Variants in CNTRL observed in about 807,000 individuals in gnomAD.
CNTRL encodes the protein 110 kDa centrosomal protein.
Under a neutral mutation model 303.7 loss-of-function variants are expected in CNTRL, and 233 were observed. That is an observed-to-expected ratio of 0.77 (90% confidence interval 0.69 to 0.86). CNTRL has a LOEUF of 0.86. CNTRL is among the 40% of genes least tolerant of loss of function. The probability of loss-of-function intolerance (pLI) is 0.00; values close to 1 mark genes in which losing one functional copy is unlikely to be tolerated. For missense variants in CNTRL, 2,524 were observed against 2,650.6 expected (o/e 0.95, Z 1.05); for synonymous variants, 900 against 922.2 (o/e 0.98, Z 0.44).
At chr9:121,145,105 G>T in intron 21 of CNTRL, 139 bp from the exon 22 acceptor site, 3 of 1,150,340 alleles carry the variant, frequency 2.6e-6, no homozygotes, top group South Asian at 3.0e-5. Flanking sequence ...TGCCAGGCTT[G>T]GTGCAGTTTC....
At chr9:121,107,089 G>A (rs1013017213) in intron 7 of CNTRL, among the ~76,000 whole-genome samples, 3 of 152,098 alleles carry the variant, frequency 2.0e-5, no homozygotes, top group Non-Finnish European at 4.4e-5. Flanking sequence ...CAGAATTTCA[G>A]GGTAGCATGG....
chr9:121,138,626 G>C lies in CNTRL; in HGVS notation c.2284G>C (p.Glu762Gln), dbSNP rs2051328021. The change falls in exon 16 of 44, where the codon GAA becomes CAA. Residue 762 changes from glutamate (E) to glutamine (Q), a missense_variant. Transcript: ENST00000373855. ...TGCCCTTGGAAAAGCCCAGTTCTCA[G>C]AAGAAAAGGAGCAAGAGAACAGTGA... ...KNALGKAQFSEEKEQENSELH... is the reference protein window; with the variant it reads ...KNALGKAQFSQEKEQENSELH... The C allele has an allele frequency of 6.2e-7, 1 of 1,613,840 alleles. No homozygotes were observed. The highest frequency in any genetic ancestry group is 1.3e-5 in the African/African-American group (1 of 74,926).
intron 14 of CNTRL, among the ~76,000 whole-genome samples, chr9:121,130,010 T>C (rs1325093783): frequency 6.6e-6 from 1 of 152,240 alleles, no homozygotes; most frequent in African/African-American, 2.4e-5. Flanking sequence ...GATAAGCTTT[T>C]TGATGTGCTG....
chr9:121,113,403 A>G lies in CNTRL; in HGVS notation c.1123-99A>G, dbSNP rs1420956115. On this transcript the variant is annotated intron_variant, in intron 9 of 43. Transcript: ENST00000373855. ...GGCATGTAGAATTTATATAAACTTGAGCAATTCTGTGATATGTTTGCCACT... is the reference window on the plus strand; with the variant it reads ...GGCATGTAGAATTTATATAAACTTGGGCAATTCTGTGATATGTTTGCCACT... 1.0e-5 allele frequency: 6 copies of G among 594,268 alleles called. No individual in the cohort carries two copies. In the African/African-American group the frequency reaches 1.1e-4, roughly 11 times the overall value. 36.8% of individuals were successfully genotyped at this position (594,268 alleles called of 1,614,324 possible). A position where few individuals can be genotyped will look rare whatever the true frequency, so the allele number is the denominator to read the frequency against.
intron 16 of CNTRL, among the ~76,000 whole-genome samples, chr9:121,139,153 T>C (rs144549776): frequency 3.9e-5 from 6 of 152,334 alleles, no homozygotes; most frequent in Non-Finnish European, 8.8e-5. Context: ...AAAAATGTCA[T>C]CATTTTTTAT....
rs1431408704 is a variant in CNTRL, at chr9:121,175,251, A to G, written c.6954+27A>G. ...TAAGCAGCAGCTCTTTTTAAAAACA[A>G]AACAATAGCCTGAGGTTGTTTTTTG... On this transcript the variant is annotated intron_variant, in intron 43 of 43. Coordinates refer to ENST00000373855, the MANE Select transcript of CNTRL (RefSeq NM_007018.6). 3.1e-6 allele frequency: 5 copies of G among 1,604,044 alleles called. No individual in the cohort carries two copies. The East Asian group carries it at 8.9e-5, about 29-fold the overall frequency.
chr9:121,138,583 A>T lies in CNTRL; in HGVS notation c.2241A>T (p.Glu747Asp). Residue 747 changes from glutamate to aspartate, a missense_variant, in exon 16 of 44, where the codon GAA (glutamate) becomes GAT (aspartate). Coordinates refer to ENST00000373855, the MANE Select transcript of CNTRL (RefSeq NM_007018.6). ...QSALQAELEKERQALKNALGK... is the reference protein window; with the variant it reads ...QSALQAELEKDRQALKNALGK... ...CCCTTCAAGCAGAACTTGAGAAGGAAAGGCAAGCCCTCAAGAATGCCCTTG... is the reference window on the plus strand; with the variant it reads ...CCCTTCAAGCAGAACTTGAGAAGGATAGGCAAGCCCTCAAGAATGCCCTTG... 1 of 1,614,028 alleles carries T rather than the reference A, an allele frequency of 6.2e-7. No individual in the cohort carries two copies. Among genetic ancestry groups the T allele is most frequent in the Non-Finnish European group, 8.5e-7 (1 of 1,179,884 alleles).
chr9:121,168,445 A>G, intron 38 of CNTRL, 124 bp downstream of exon 38: 1 of 744,758 alleles, frequency 1.3e-6, no homozygotes, highest in Non-Finnish European at 2.2e-6. Flanking sequence ...AGGAGAAGTA[A>G]AGCAGGAGGT....
intron 2 of CNTRL, 148 bp downstream of exon 2, chr9:121,080,626 G>A (rs1436992925): frequency 3.3e-5 from 5 of 152,134 alleles, no homozygotes; most frequent in Non-Finnish European, 7.3e-5. Flanking sequence ...ATCAAACTGG[G>A]AAAATAAAAA....
rs1172610808 is a variant in CNTRL, at chr9:121,157,614, C to G, written c.4496+14C>G. The stretch of plus-strand genomic sequence containing the variant: ...TCAGCAGCTAAGGTAGGTGGATTCC[C>G]TAAGCCGTTGATGTATACATTGAGA... On this transcript the variant is annotated intron_variant, in intron 28 of 43. Coordinates refer to ENST00000373855, the MANE Select transcript of CNTRL (RefSeq NM_007018.6). 1 of 1,612,768 alleles carries G rather than the reference C, an allele frequency of 6.2e-7. No homozygotes were observed. Among genetic ancestry groups the G allele is most frequent in the Non-Finnish European group, 8.5e-7 (1 of 1,179,630 alleles).
chr9:121,147,380 G>C (rs530053112), intron 23 of CNTRL, among the ~76,000 whole-genome samples: 4 of 152,026 alleles, frequency 2.6e-5, no homozygotes, highest in Non-Finnish European at 4.4e-5. Flanking sequence ...TGTAGGCCAT[G>C]AGAAATGGGT....
intron 8 of CNTRL, chr9:121,111,148 T>TGG (rs2049730064): frequency 1.3e-5 from 2 of 152,110 alleles, no homozygotes; most frequent in South Asian, 4.1e-4. Flanking sequence ...AATATCAATG[T>TGG]GGGTAATGTG....
At chr9:121,082,871 G>A (rs1564184734) in intron 2 of CNTRL, among the ~76,000 whole-genome samples, 1 of 151,758 alleles carries the variant, frequency 6.6e-6, no homozygotes, top group Admixed American at 6.6e-5. Context: ...TCAGGAGGCT[G>A]AGGCAGGAGA....
At chr9:121,146,414 A>G (rs1165249876) in intron 23 of CNTRL, among the ~76,000 whole-genome samples, 158 bp downstream of exon 23, 1 of 152,184 alleles carries the variant, frequency 6.6e-6, no homozygotes, top group Non-Finnish European at 1.5e-5. Flanking sequence ...TGAGATGAAA[A>G]TAGGGCCTTC....
intron 17 of CNTRL, 52 bp from the exon 18 acceptor site, chr9:121,141,329 A>C (rs2051497668): frequency 7.3e-7 from 1 of 1,372,870 alleles, no homozygotes; most frequent in Non-Finnish European, 1.0e-6. Flanking sequence ...GTTTGCAGCC[A>C]GCATCAAAAA....
intron 13 of CNTRL, among the ~76,000 whole-genome samples, chr9:121,125,229 G>A (rs889705169): frequency 1.3e-5 from 2 of 150,862 alleles, no homozygotes; most frequent in African/African-American, 4.9e-5. Flanking sequence ...GTGCAGTGGC[G>A]TGATCTTGGC....
At chr9:121,174,746 G>T (rs530803458) in intron 42 of CNTRL, among the ~76,000 whole-genome samples, 1 of 152,242 alleles carries the variant, frequency 6.6e-6, no homozygotes, top group East Asian at 1.9e-4. Context: ...TAATTTAATG[G>T]AGAAGCAAGG....
chr9:121,139,137 G>A (rs1231650665), intron 16 of CNTRL, among the ~76,000 whole-genome samples: 1 of 152,164 alleles, frequency 6.6e-6, no homozygotes, highest in Non-Finnish European at 1.5e-5. Flanking sequence ...CGGAAAGGAT[G>A]CTATTAAAAA....
intron 1 of CNTRL, among the ~76,000 whole-genome samples, chr9:121,076,690 G>T (rs2047937996): frequency 6.6e-6 from 1 of 152,094 alleles, no homozygotes; most frequent in South Asian, 2.1e-4. Context: ...AATCAGAATG[G>T]GATAAAGAAG....
Sources: allele counts gnomAD v4.1 joint callset (sites outside exome capture counted in the v4.1 genomes callset), GRCh38; gene constraint gnomAD v4.1.1; transcripts MANE v1.5; gene names NCBI Gene and HGNC (gene_info 2026-07-23, HGNC 2026-07-21).